The following PVT1 variants were observed in gnomAD, a reference collection of about 807,000 sequenced individuals.
PVT1 encodes the protein Pvt1 oncogene, also known as CXCR4/PVT1 fusion.
rs912808457 is a variant in PVT1 at position 127,923,124 on chromosome 8, G to T, written n.782+32126G>T. On this transcript the variant is annotated intron_variant and non_coding_transcript_variant, in intron 3 of 10. Transcript: ENST00000651587. Reference sequence around the variant, plus strand: ...TTTGCTGGGTAGACCAGTGAGGAGGGCTGGGACAAGTGACTGGAATTGCCC... The same window carrying T: ...TTTGCTGGGTAGACCAGTGAGGAGGTCTGGGACAAGTGACTGGAATTGCCC... Among the ~76,000 whole-genome samples the T allele has an allele frequency of 8.5e-5, 13 of 152,328 alleles. No individual in the cohort carries two copies. In the South Asian group the frequency reaches 1.9e-3, roughly 22 times the overall value.
chr8:127,966,620 G>C (rs1816705596), intron 3 of PVT1, among the ~76,000 whole-genome samples: 1 of 152,178 alleles, frequency 6.6e-6, no homozygotes, highest in African/African-American at 2.4e-5. Flanking sequence ...ACGTGGGGCT[G>C]TTGAACACTT....
chr8:128,078,709 A>G (rs2130147370), intron 5 of PVT1, among the ~76,000 whole-genome samples: 1 of 152,378 alleles, frequency 6.6e-6, no homozygotes, highest in Middle Eastern at 3.4e-3. Context: ...GAAAAAATGA[A>G]TAAAATAGTT....
At chr8:128,096,813 A>T (rs1368973786) in intron 6 of PVT1, among the ~76,000 whole-genome samples, 1 of 152,212 alleles carries the variant, frequency 6.6e-6, no homozygotes, top group Non-Finnish European at 1.5e-5. Context: ...GTCCATTGTC[A>T]TTGTCCTCAG....
intron 3 of PVT1, among the ~76,000 whole-genome samples, chr8:127,903,720 A>G (rs1815786970): frequency 6.6e-6 from 1 of 152,198 alleles, no homozygotes; most frequent in Non-Finnish European, 1.5e-5. Flanking sequence ...AGTTTGTTGA[A>G]GATCAGATGG....
chr8:127,998,617 T>TCCTC (rs1480991498), intron 4 of PVT1, among the ~76,000 whole-genome samples: 3 of 147,362 alleles, frequency 2.0e-5, no homozygotes, highest in Non-Finnish European at 3.0e-5. Flanking sequence ...TTTCCTTCCT[T>TCCTC]CCTCCCTCCC....
At chr8:127,938,331 CAG>C (rs1340636575) in intron 3 of PVT1, among the ~76,000 whole-genome samples, 3 of 152,154 alleles carry the variant, frequency 2.0e-5, no homozygotes, top group Non-Finnish European at 4.4e-5. Flanking sequence ...CATCCTGAGA[CAG>C]AGAGACCCCA....
intron 4 of PVT1, among the ~76,000 whole-genome samples, chr8:127,995,766 G>C (rs10282878): frequency 0.73 from 111,650 of 152,088 alleles, 42,533 homozygotes; most frequent in South Asian, 0.89. Context: ...ATTATATGAT[G>C]TCATTTACTC....
chr8:127,989,941 T>C (rs1249442746), intron 4 of PVT1, among the ~76,000 whole-genome samples: 1 of 152,172 alleles, frequency 6.6e-6, no homozygotes, highest in Non-Finnish European at 1.5e-5. Flanking sequence ...AGATGTTGTT[T>C]GTGTTGAGTG....
intron 3 of PVT1, among the ~76,000 whole-genome samples, chr8:127,961,270 C>A (rs1816639211): frequency 6.6e-6 from 1 of 152,174 alleles, no homozygotes; most frequent in South Asian, 2.1e-4. Flanking sequence ...AAGACAAGAT[C>A]AGAGGGAGGT....
At chr8:127,967,958 G>C (rs1816721705) in intron 3 of PVT1, among the ~76,000 whole-genome samples, 1 of 152,190 alleles carries the variant, frequency 6.6e-6, no homozygotes, top group South Asian at 2.1e-4. Context: ...GGCGCTTTGG[G>C]TTTGAAGGCT....
intron 3 of PVT1, among the ~76,000 whole-genome samples, chr8:127,975,390 C>T (rs1396493637): frequency 1.3e-5 from 2 of 152,078 alleles, no homozygotes; most frequent in African/African-American, 4.8e-5. Context: ...ATTTTTTTAT[C>T]CTTAGTGAGG....
At chr8:127,934,790 G>A (rs1183342542) in intron 3 of PVT1, among the ~76,000 whole-genome samples, 1 of 152,126 alleles carries the variant, frequency 6.6e-6, no homozygotes, top group African/African-American at 2.4e-5. Flanking sequence ...ACTTATCAAT[G>A]GTTTTTCGGA....
At chr8:127,880,456 A>ATAT (rs1554593857) in intron 2 of PVT1, among the ~76,000 whole-genome samples, 1,693 of 140,254 alleles carry the variant, frequency 0.012, 36 homozygotes, top group African/African-American at 0.043. Context: ...CGCCCGGCTA[A>ATAT]TTTTTTTTTT....
intron 2 of PVT1, among the ~76,000 whole-genome samples, chr8:127,875,618 A>G (rs1256876547): frequency 2.0e-5 from 3 of 152,100 alleles, no homozygotes; most frequent in Non-Finnish European, 4.4e-5. Context: ...TCTCCGTGAT[A>G]TAGCGTGTAC....
intron 3 of PVT1, among the ~76,000 whole-genome samples, chr8:127,892,102 G>C (rs954172517): frequency 1.2e-4 from 18 of 152,198 alleles, no homozygotes; most frequent in African/African-American, 4.3e-4. Context: ...AGTTGGGGCG[G>C]GGCCTTGAGT....
At chr8:127,831,102 C>CGT (rs536737625) in intron 2 of PVT1, among the ~76,000 whole-genome samples, 3 of 147,678 alleles carry the variant, frequency 2.0e-5, no homozygotes, top group African/African-American at 7.6e-5. Context: ...TATATACATA[C>CGT]GTGTGTGTGT....
intron 3 of PVT1, among the ~76,000 whole-genome samples, chr8:127,912,957 C>T (rs1029541158): frequency 1.3e-5 from 2 of 152,276 alleles, no homozygotes; most frequent in African/African-American, 4.8e-5. Flanking sequence ...CTTCACCTCC[C>T]AAAGTGTTGG....
At chr8:127,855,322 TA>T (rs1815149548) in intron 2 of PVT1, 1 of 397,606 alleles carries the variant, frequency 2.5e-6, no homozygotes, top group Admixed American at 4.4e-5. Flanking sequence ...CCCTAAGGGT[TA>T]GTGTCTGGAG....
chr8:128,021,628 C>T (rs1206651219), intron 4 of PVT1, among the ~76,000 whole-genome samples: 1 of 152,068 alleles, frequency 6.6e-6, no homozygotes, highest in East Asian at 1.9e-4. Context: ...ATAATCAGTC[C>T]CCACAAACAG....
Sources: allele counts gnomAD v4.1 joint callset (sites outside exome capture counted in the v4.1 genomes callset), GRCh38; gene constraint gnomAD v4.1.1; transcripts MANE v1.5; gene names NCBI Gene and HGNC (gene_info 2026-07-23, HGNC 2026-07-21).